Variants in CFAP96 observed in about 807,000 individuals in gnomAD.
CFAP96 encodes the protein cilia and flagella associated protein 96.
At chr4:185,412,820 G>A in the CFAP96 span, among the ~76,000 whole-genome samples, 245 of 152,146 alleles carry the variant, frequency 1.6e-3, 1 homozygote, top group African/African-American at 5.5e-3. Context: ...TTTCTAAGAG[G>A]CCCAGCTCTA....
At chr4:185,440,265 C>T in the CFAP96 span, among the ~76,000 whole-genome samples, 2 of 152,030 alleles carry the variant, frequency 1.3e-5, no homozygotes, top group Non-Finnish European at 2.9e-5. Context: ...CATCATACTG[C>T]ACAGATAGTT....
the CFAP96 span, among the ~76,000 whole-genome samples, chr4:185,420,331 C>T: frequency 1.1e-4 from 16 of 152,038 alleles, no homozygotes; most frequent in African/African-American, 3.6e-4. Context: ...ATATTTGACA[C>T]ATTCAATTTG....
chr4:185,443,904 C>CTTATA, the CFAP96 span, among the ~76,000 whole-genome samples: 480 of 131,588 alleles, frequency 3.6e-3, 2 homozygotes, highest in African/African-American at 0.012. Context: ...AACCTGAAAA[C>CTTATA]TTATAACTAT....
chr4:185,435,401 T>C, the CFAP96 span, among the ~76,000 whole-genome samples: 1 of 152,240 alleles, frequency 6.6e-6, no homozygotes, highest in African/African-American at 2.4e-5. Flanking sequence ...TTTACTTCAA[T>C]GGTAACTTAA....
chr4:185,414,056 T>C, the CFAP96 span, among the ~76,000 whole-genome samples: 2 of 152,212 alleles, frequency 1.3e-5, no homozygotes, highest in African/African-American at 2.4e-5. Flanking sequence ...GTAAGATTTA[T>C]TTTCGTTTAC....
chr4:185,420,127 G>A, the CFAP96 span, among the ~76,000 whole-genome samples: 5 of 151,870 alleles, frequency 3.3e-5, no homozygotes, highest in African/African-American at 1.2e-4. Context: ...TTTCTCTTTG[G>A]ACTATATCCC....
At chr4:185,439,902 C>T in the CFAP96 span, among the ~76,000 whole-genome samples, 1 of 144,888 alleles carries the variant, frequency 6.9e-6, no homozygotes, top group Admixed American at 7.0e-5. Context: ...CTCACATATA[C>T]ACATATATAT....
chr4:185,431,465 T>A, the CFAP96 span, among the ~76,000 whole-genome samples: 3 of 152,256 alleles, frequency 2.0e-5, no homozygotes, highest in Non-Finnish European at 2.9e-5. Flanking sequence ...ACATTTGGGC[T>A]ATTTTATGTT....
chr4:185,419,321 G>A, the CFAP96 span, among the ~76,000 whole-genome samples: 12 of 152,044 alleles, frequency 7.9e-5, no homozygotes, highest in African/African-American at 2.2e-4. Flanking sequence ...TAGTAGAGAC[G>A]GGGTTTCACC....
chr4:185,439,617 A>G, the CFAP96 span, among the ~76,000 whole-genome samples: 4 of 151,882 alleles, frequency 2.6e-5, no homozygotes, highest in African/African-American at 7.2e-5. Flanking sequence ...TACTTTATTA[A>G]TAGCCAGTGA....
At chr4:185,415,424 C>T in the CFAP96 span, 2 of 1,286,336 alleles carry the variant, frequency 1.6e-6, no homozygotes, top group East Asian at 2.6e-5. Flanking sequence ...GCTAATATAT[C>T]CTTAGTATAG....
chr4:185,423,948 C>T, the CFAP96 span, among the ~76,000 whole-genome samples: 2 of 152,106 alleles, frequency 1.3e-5, no homozygotes, highest in Non-Finnish European at 2.9e-5. Context: ...CCATAGTACA[C>T]ACTAAGACCC....
chr4:185,409,321 G>A, the CFAP96 span, among the ~76,000 whole-genome samples: 1 of 152,118 alleles, frequency 6.6e-6, no homozygotes, highest in Admixed American at 6.5e-5. Flanking sequence ...ATAGTGCTAA[G>A]AATGTATATG....
At chr4:185,418,522 C>T in the CFAP96 span, 5 of 1,610,306 alleles carry the variant, frequency 3.1e-6, no homozygotes, top group Non-Finnish European at 3.4e-6. Context: ...ATTTTTAATA[C>T]ACAGACATTT....
chr4:185,436,101 G>A, the CFAP96 span: 3,577 of 1,550,682 alleles, frequency 2.3e-3, 68 homozygotes, highest in African/African-American at 0.04. Flanking sequence ...ATTTTTCAGC[G>A]CACAGTCAAA....
At chr4:185,446,578 G>C in the CFAP96 span, among the ~76,000 whole-genome samples, 1 of 151,974 alleles carries the variant, frequency 6.6e-6, no homozygotes, top group African/African-American at 2.4e-5. Context: ...AAATTTCTGG[G>C]CATCTTAAGC....
the CFAP96 span, among the ~76,000 whole-genome samples, chr4:185,428,335 AGGCCGAGGTGGGT>A: frequency 3.3e-5 from 5 of 152,046 alleles, no homozygotes; most frequent in African/African-American, 1.2e-4. Context: ...GCGCTTTGGG[AGGCCGAGGTGGGT>A]GGATCACTTG....
the CFAP96 span, among the ~76,000 whole-genome samples, chr4:185,427,739 G>A: frequency 5.6e-5 from 8 of 142,652 alleles, 1 homozygote; most frequent in Middle Eastern, 4.3e-3. Context: ...CAGCCTGGGC[G>A]ACAGAGCGAG....
the CFAP96 span, among the ~76,000 whole-genome samples, chr4:185,439,267 C>T: frequency 1.3e-5 from 2 of 151,936 alleles, no homozygotes; most frequent in Non-Finnish European, 2.9e-5. Context: ...CCAAAAAGAT[C>T]AATAGAATAA....
Sources: gnomAD v4.1 joint callset for allele counts (sites outside exome capture counted in the v4.1 genomes callset) on GRCh38, gnomAD v4.1.1 for gene constraint, MANE v1.5 for transcripts, NCBI Gene and HGNC (gene_info 2026-07-23, HGNC 2026-07-21) for gene names.